ZNF71: variants seen among roughly 807,000 people sequenced by gnomAD.
The protein encoded by ZNF71 is zinc finger protein 71.
In ZNF71, 3 loss-of-function variants were observed where a neutral mutation model predicts 6.7. The ratio of observed to expected loss-of-function variants is 0.45; its 90% confidence interval spans 0.20 to 1.16. The LOEUF is 1.16. ZNF71 is among the 50% of genes most tolerant of loss of function. The probability of loss-of-function intolerance (pLI) is 0.25; values close to 1 mark genes in which losing one functional copy is unlikely to be tolerated. For synonymous variants in ZNF71, 343 were observed against 311.1 expected, an observed-to-expected ratio of 1.10 and a Z score of -1.08; for missense variants, 688 against 728.6, an observed-to-expected ratio of 0.94 and a Z score of 0.64.
intron 2 of ZNF71, chr19:56,610,087 A>T (rs959718569): frequency 6.6e-6 from 1 of 152,230 alleles, no homozygotes; most frequent in Non-Finnish European, 1.5e-5. Flanking sequence ...TAACATTGCT[A>T]TGAGCATCAG....
intron 2 of ZNF71, among the ~76,000 whole-genome samples, chr19:56,605,177 C>T (rs2044700492): frequency 6.6e-6 from 1 of 152,082 alleles, no homozygotes. Flanking sequence ...GGCTTCAGGC[C>T]CAGGTACATC....
At position 56,613,645 on chromosome 19, in the gene ZNF71, G is replaced by A. The variant is rs562575221; in HGVS notation, c.34-167G>A. On this transcript the variant is annotated intron_variant, in intron 2 of 3. Transcript: ENST00000599599. This position sits in a 1 kb window ranked among gnomAD's most constrained non-coding sequence, Gnocchi z 4.6. ...TCAGAGTGCCAACCCAATATAACTAGACACAGAGAAAACTGTGAGTGATCC... is the reference window on the plus strand; with the variant it reads ...TCAGAGTGCCAACCCAATATAACTAAACACAGAGAAAACTGTGAGTGATCC... Among the ~76,000 whole-genome samples, 3 of 152,190 alleles carry A rather than the reference G, an allele frequency of 2.0e-5. No homozygotes were observed. Among genetic ancestry groups the A allele is most frequent in the Admixed American group, 6.5e-5 (1 of 15,274 alleles).
At chr19:56,617,122 G>GTTTTTTT (rs367787804) in intron 3 of ZNF71, among the ~76,000 whole-genome samples, 2 of 142,848 alleles carry the variant, frequency 1.4e-5, no homozygotes, top group Admixed American at 1.4e-4. Context: ...GTTTTTTTTT[G>GTTTTTTT]TTTTTTTTGA....
chr19:56,609,167 G>A (rs996694786), intron 2 of ZNF71, among the ~76,000 whole-genome samples: 2 of 152,032 alleles, frequency 1.3e-5, no homozygotes, highest in African/African-American at 2.4e-5. Context: ...TAGGTAAAAC[G>A]CACCTATTTG....
intron 3 of ZNF71, 32 bp from the exon 4 acceptor site, chr19:56,621,236 G>A: frequency 2.6e-6 from 4 of 1,513,906 alleles, no homozygotes; most frequent in East Asian, 2.3e-5. Context: ...TTAACTACAT[G>A]TATTTGCATC....
rs887836263 is a variant in ZNF71, at chr19:56,603,693, A to G, written c.33+2102A>G. On this transcript the variant is annotated intron_variant, in intron 2 of 3. Coordinates refer to ENST00000599599, the MANE Select transcript of ZNF71 (RefSeq NM_001370215.1). This position sits in a 1 kb window ranked among gnomAD's most constrained non-coding sequence, Gnocchi z 4.6. ...TGCCTTCATTTTTGTCTCATCTGTG[A>G]TTCTTGCCTTGAATTCTTCTTTTAC... is the stretch of plus-strand genomic sequence containing the variant. 2.6e-5 allele frequency among the ~76,000 whole-genome samples: 4 copies of G among 151,922 alleles called. No individual in the cohort carries two copies. The highest frequency in any genetic ancestry group is 6.5e-5 in the Admixed American group (1 of 15,268).
intron 3 of ZNF71, among the ~76,000 whole-genome samples, chr19:56,616,043 AG>A (rs1302317672): frequency 6.7e-6 from 1 of 149,016 alleles, no homozygotes; most frequent in East Asian, 2.0e-4. Context: ...GAAGAGCAGA[AG>A]TTTTTAATTC....
chr19:56,616,969 T>C (rs1359776096), intron 3 of ZNF71, among the ~76,000 whole-genome samples: 1 of 152,226 alleles, frequency 6.6e-6, no homozygotes, highest in Non-Finnish European at 1.5e-5. Flanking sequence ...GGGAATCTTA[T>C]CCTTTATACT....
intron 2 of ZNF71, among the ~76,000 whole-genome samples, chr19:56,604,266 T>C (rs917212825): frequency 1.2e-4 from 18 of 152,224 alleles, no homozygotes; most frequent in Non-Finnish European, 2.5e-4. Context: ...CATCAAGTTA[T>C]GTATATTATT....
Position 56,613,196 on chromosome 19 carries a change from T to C in ZNF71, c.34-616T>C, listed in dbSNP as rs1234051025. Reference sequence around the variant, plus strand: ...CACCTTCGGGTCTTGATCCAAGCTCTCTTCCCTACCCAGAATCTCCCACTA... The same window carrying C: ...CACCTTCGGGTCTTGATCCAAGCTCCCTTCCCTACCCAGAATCTCCCACTA... On this transcript the variant is annotated intron_variant, in intron 2 of 3. Coordinates refer to ENST00000599599, the MANE Select transcript of ZNF71 (RefSeq NM_001370215.1). The surrounding 1 kb of genome is among the most constrained non-coding windows in gnomAD (Gnocchi z 4.6). Among the ~76,000 whole-genome samples, 1 of 152,198 alleles carries C rather than the reference T, an allele frequency of 6.6e-6. No individual in the cohort carries two copies. Among genetic ancestry groups the C allele is most frequent in the East Asian group, 1.9e-4 (1 of 5,190 alleles).
intron 2 of ZNF71, 125 bp downstream of exon 2, chr19:56,601,716 A>G: frequency 1.7e-6 from 1 of 586,812 alleles, no homozygotes; most frequent in Non-Finnish European, 2.1e-6. Context: ...TGCCCTGATG[A>G]AGAGGGCTGT....
Position 56,621,288 on chromosome 19 carries a change from A to C in ZNF71, c.181A>C (p.Met61Leu). The change falls in exon 4 of 4, where the codon ATG (methionine) becomes CTG (leucine). Residue 61 changes from methionine to leucine, a missense_variant. Met to Leu is a conservative substitution (Grantham distance 15, BLOSUM62 2). Transcript: ENST00000599599. ...VSLDWETRPEMKELDPKNDIS... is the reference protein window; with the variant it reads ...VSLDWETRPELKELDPKNDIS... ...TTCAGACTGGGAGACTAGACCTGAA[A>C]TGAAAGAGTTGGATCCAAAGAATGA... 1 of 1,518,408 alleles carries C rather than the reference A, an allele frequency of 6.6e-7. No individual in the cohort carries two copies. Among genetic ancestry groups the C allele is most frequent in the Non-Finnish European group, 8.8e-7 (1 of 1,134,550 alleles). 94.1% of individuals were successfully genotyped at this position (1,518,408 alleles called of 1,614,324 possible).
chr19:56,617,112 G>GT (rs748784485), intron 3 of ZNF71, among the ~76,000 whole-genome samples: 1,474 of 140,668 alleles, frequency 0.01, 40 homozygotes, highest in African/African-American at 0.032. Context: ...ATTTTCTTTT[G>GT]TTTTTTTTTG....
At chr19:56,599,750 G>T (rs2044653118) in intron 1 of ZNF71, among the ~76,000 whole-genome samples, 1 of 148,670 alleles carries the variant, frequency 6.7e-6, no homozygotes, top group Admixed American at 6.8e-5. Flanking sequence ...CTGGAGTGCA[G>T]TGTTGCCATC....
intron 2 of ZNF71, among the ~76,000 whole-genome samples, chr19:56,612,917 G>T (rs1438492731): frequency 8.5e-5 from 13 of 152,278 alleles, no homozygotes; most frequent in Non-Finnish European, 1.8e-4. Flanking sequence ...ATAAGGTCAT[G>T]TTCTTGAGAC....
Position 56,618,688 on chromosome 19 carries a change from G to A in ZNF71, c.161-2580G>A, listed in dbSNP as rs1365834733. On this transcript the variant is annotated intron_variant, in intron 3 of 3. Coordinates refer to ENST00000599599, the MANE Select transcript of ZNF71 (RefSeq NM_001370215.1). This position sits in a 1 kb window ranked among gnomAD's most constrained non-coding sequence, Gnocchi z 4.6. ...TCCACGGCAGGTCCACAGGACAGTGGATGCAGAGGCCCTGAGGCAGGAAGA... is the reference window on the plus strand; with the variant it reads ...TCCACGGCAGGTCCACAGGACAGTGAATGCAGAGGCCCTGAGGCAGGAAGA... Among the ~76,000 whole-genome samples the A allele has an allele frequency of 6.8e-6, 1 of 147,702 alleles. No homozygotes were observed. Among genetic ancestry groups the A allele is most frequent in the Non-Finnish European group, 1.5e-5 (1 of 66,784 alleles).
At chr19:56,612,717 T>G (rs2044761217) in intron 2 of ZNF71, among the ~76,000 whole-genome samples, 2 of 152,156 alleles carry the variant, frequency 1.3e-5, no homozygotes, top group African/African-American at 4.8e-5. Flanking sequence ...AATCCCAGAC[T>G]TTACCACTGT....
chr19:56,600,198 T>TG (rs2044659717), intron 1 of ZNF71, among the ~76,000 whole-genome samples: 82 of 13,254 alleles, frequency 6.2e-3, no homozygotes, highest in Middle Eastern at 0.036. Flanking sequence ...TTTTTTTTTT[T>TG]TTTTTTTTTT....
rs1284714348 is a variant in ZNF71, at chr19:56,598,731, C to T, written c.-52-2776C>T. Among the ~76,000 whole-genome samples the T allele has an allele frequency of 1.3e-5, 2 of 152,186 alleles. No individual in the cohort carries two copies. The highest frequency in any genetic ancestry group is 1.3e-4 in the Admixed American group (2 of 15,286). On this transcript the variant is annotated intron_variant, in intron 1 of 3. Transcript: ENST00000599599. This position sits in a 1 kb window ranked among gnomAD's most constrained non-coding sequence, Gnocchi z 4.2. ...TGACAGTTTGGCAAATGTCTCTAGACGTTGACAAATGTCTCCGGGGGCAGA... is the reference window on the plus strand; with the variant it reads ...TGACAGTTTGGCAAATGTCTCTAGATGTTGACAAATGTCTCCGGGGGCAGA...
Sources: allele counts gnomAD v4.1 joint callset (sites outside exome capture counted in the v4.1 genomes callset), GRCh38; gene constraint gnomAD v4.1.1; non-coding constraint Gnocchi (gnomAD v3.1); transcripts MANE v1.5; gene names NCBI Gene and HGNC (gene_info 2026-07-23, HGNC 2026-07-21).